The following PADI3 variants were observed in gnomAD, a reference collection of about 807,000 sequenced individuals.
PADI3 encodes protein-arginine deiminase type-3.
PADI3 carries 53 observed loss-of-function variants against 71.5 expected under a neutral mutation model. The ratio of observed to expected loss-of-function variants is 0.74; its 90% CI spans 0.59 to 0.93. PADI3 has a LOEUF of 0.93. Among genes scored for constraint, PADI3 ranks in the 40% least tolerant of loss-of-function variants. PADI3 has a pLI of 0.00. For synonymous variants in PADI3, 361 were observed against 347.5 expected, an observed-to-expected ratio of 1.04 and a Z score of -0.43; for missense variants, 821 against 868.0, an observed-to-expected ratio of 0.95 and a Z score of 0.68.
chr1:17,255,210 C>A (rs72646772), intron 1 of PADI3, among the ~76,000 whole-genome samples: 12,722 of 152,296 alleles, frequency 0.084, 624 homozygotes, highest in Non-Finnish European at 0.11. Flanking sequence ...TGGGACCTTG[C>A]AGGTTTTAGC....
chr1:17,255,915 C>T (rs1004118296), intron 1 of PADI3, among the ~76,000 whole-genome samples: 5 of 152,146 alleles, frequency 3.3e-5, no homozygotes, highest in African/African-American at 1.2e-4. Flanking sequence ...TTGTCTGGCC[C>T]CAGGGACCAC....
At chr1:17,256,454 C>T (rs1260877442) in intron 1 of PADI3, among the ~76,000 whole-genome samples, 1 of 152,256 alleles carries the variant, frequency 6.6e-6, no homozygotes, top group African/African-American at 2.4e-5. Flanking sequence ...TCCCCAACCT[C>T]AGATGTAGCT....
At chr1:17,280,591 G>A (rs757001910) in intron 14 of PADI3, 80 bp from the exon 15 acceptor site, 3 of 1,595,816 alleles carry the variant, frequency 1.9e-6, no homozygotes, top group African/African-American at 1.3e-5. Flanking sequence ...CAGAAGAAGT[G>A]AGGGGAGCGA....
intron 3 of PADI3, among the ~76,000 whole-genome samples, chr1:17,262,814 C>A (rs1249340387): frequency 6.6e-6 from 1 of 152,152 alleles, no homozygotes; most frequent in African/African-American, 2.4e-5. Flanking sequence ...AAGAATAAAA[C>A]AAACAAATGA....
intron 4 of PADI3, 32 bp from the exon 5 acceptor site, chr1:17,266,687 C>T (rs1156340957): frequency 6.4e-7 from 1 of 1,572,798 alleles, no homozygotes; most frequent in Admixed American, 1.7e-5. Flanking sequence ...TCATCTGAGC[C>T]CTCATCACTG....
intron 11 of PADI3, among the ~76,000 whole-genome samples, chr1:17,275,459 A>AAAG (rs2073316602): frequency 6.9e-6 from 1 of 145,000 alleles, no homozygotes; most frequent in Non-Finnish European, 1.5e-5. Flanking sequence ...AAAAAAAAAA[A>AAAG]GTAACAAAGA....
chr1:17,261,979 C>A (rs1445247905), intron 2 of PADI3, among the ~76,000 whole-genome samples, 154 bp from the exon 3 acceptor site: 1 of 152,212 alleles, frequency 6.6e-6, no homozygotes, highest in East Asian at 1.9e-4. Flanking sequence ...GATATGCCAA[C>A]CAAGACACAG....
Position 17,280,715 on chromosome 1 carries a change from C to A in PADI3, c.1680C>A (p.Gly560=), listed in dbSNP as rs768629226. The A allele has an allele frequency of 6.2e-7, 1 of 1,614,152 alleles. No individual in the cohort carries two copies. The highest frequency in any genetic ancestry group is 8.5e-7 in the Non-Finnish European group (1 of 1,180,014). ...WNREVLKREL[G]LAECDIIDIP... ...GTGAGGTGCTGAAGCGGGAGCTGGGCCTGGCAGAGTGTGACATCATTGACA... is the reference window on the plus strand; with the variant it reads ...GTGAGGTGCTGAAGCGGGAGCTGGGACTGGCAGAGTGTGACATCATTGACA... The change falls in exon 15 of 16, where the codon GGC becomes GGA. Residue 560 remains glycine (G), a synonymous_variant. Transcript: ENST00000375460.
chr1:17,271,855 AG>A (rs869308969), intron 9 of PADI3, among the ~76,000 whole-genome samples: 14,102 of 118,424 alleles, frequency 0.12, 888 homozygotes, highest in Admixed American at 0.16. Flanking sequence ...AAAAAAAAAA[AG>A]AGAGAGAGAG....
intron 2 of PADI3, among the ~76,000 whole-genome samples, chr1:17,261,376 C>T (rs1262436016): frequency 6.6e-6 from 1 of 152,190 alleles, no homozygotes; most frequent in African/African-American, 2.4e-5. Context: ...CTAATTAGTC[C>T]TAAGGGGTAG....
Position 17,258,693 on chromosome 1 carries a change from T to A in PADI3, c.93-885T>A, listed in dbSNP as rs190677033. Among the ~76,000 whole-genome samples, 264 of 152,330 alleles carry A rather than the reference T, an allele frequency of 1.7e-3. 1 individual carries two copies. Among genetic ancestry groups the A allele is most frequent in the Non-Finnish European group, 3.2e-3 (219 of 68,030 alleles). ...CAGTTGCTAATATGCCAAATGGGGA[T>A]GATATTGCTCACCTTACAGCTTGTA... On this transcript the variant is annotated intron_variant, in intron 1 of 15. Coordinates refer to ENST00000375460, the MANE Select transcript of PADI3 (RefSeq NM_016233.2).
Position 17,262,121 on chromosome 1 carries a change from A to T in PADI3, c.274-12A>T. The stretch of plus-strand genomic sequence containing the variant: ...CTTCTGCTGGTATTACTCTGCGCCC[A>T]ACTCTCCACAGGTTCAGATTTCCTA... On this transcript the variant is annotated splice_polypyrimidine_tract_variant and intron_variant, in intron 2 of 15. Coordinates refer to ENST00000375460, the MANE Select transcript of PADI3 (RefSeq NM_016233.2). 6.2e-7 allele frequency: 1 copy of T among 1,612,854 alleles called. No individual in the cohort carries two copies. The highest frequency in any genetic ancestry group is 8.5e-7 in the Non-Finnish European group (1 of 1,179,460).
chr1:17,271,012 T>C (rs369400143), intron 8 of PADI3, 30 bp downstream of exon 8: 43 of 1,612,530 alleles, frequency 2.7e-5, no homozygotes, highest in Non-Finnish European at 3.4e-5. Flanking sequence ...GTGGTCCCTC[T>C]GGCCCCCAGG....
chr1:17,280,025 A>G (rs2073381893), intron 13 of PADI3, among the ~76,000 whole-genome samples: 1 of 152,246 alleles, frequency 6.6e-6, no homozygotes, highest in Non-Finnish European at 1.5e-5. Flanking sequence ...GCTAAGCCAA[A>G]GCAAGAGGAT....
intron 1 of PADI3, 131 bp downstream of exon 1, chr1:17,249,360 G>T (rs1232312360): frequency 2.7e-6 from 2 of 733,290 alleles, no homozygotes; most frequent in African/African-American, 1.7e-5. Context: ...AGCCAATCAG[G>T]GAAGCTTGGG....
chr1:17,277,613 A>G (rs1357754663), intron 13 of PADI3, among the ~76,000 whole-genome samples: 4 of 152,166 alleles, frequency 2.6e-5, no homozygotes, highest in Non-Finnish European at 5.9e-5. Flanking sequence ...CCTGGCACAG[A>G]TTCTCTGCTG....
Position 17,267,913 on chromosome 1 carries a change from C to T in PADI3, c.603C>T (p.Leu201=). The change falls in exon 6 of 16, where the codon CTC becomes CTT. Residue 201 remains leucine (L), a synonymous_variant. Coordinates refer to ENST00000375460, the MANE Select transcript of PADI3 (RefSeq NM_016233.2). ...AALFDDHKLV[L]HTSSYDAKRA... The stretch of plus-strand genomic sequence containing the variant: ...TCTTTGATGACCACAAACTTGTCCT[C>T]CATACCTCCAGCTATGATGCCAAAC... 6.2e-7 allele frequency: 1 copy of T among 1,614,190 alleles called. No individual in the cohort carries two copies. The highest frequency in any genetic ancestry group is 8.5e-7 in the Non-Finnish European group (1 of 1,180,024).
rs760293615 is a variant in PADI3, at chr1:17,274,638, C to T, written c.1159C>T (p.Pro387Ser). 3 of 1,611,116 alleles carry T rather than the reference C, an allele frequency of 1.9e-6. No homozygotes were observed. In the South Asian group the frequency reaches 3.3e-5, roughly 18 times the overall value. Residue 387 changes from proline (P) to serine (S), a missense_variant, in exon 11 of 16, where the codon CCA (proline) becomes TCA (serine). Coordinates refer to ENST00000375460, the MANE Select transcript of PADI3 (RefSeq NM_016233.2). The part of the protein sequence containing the change: ...QDFPYKRILG[P>S]DFGYVTREPR... ...CTGACTTGGTTTCCCTCTCCAGGGT[C>T]CAGATTTTGGTTACGTGACTCGGGA...
chr1:17,280,724 G>T lies in PADI3; in HGVS notation c.1689G>T (p.Glu563Asp), dbSNP rs1390799723. The T allele has an allele frequency of 1.2e-6, 2 of 1,614,204 alleles. No homozygotes were observed. The highest frequency in any genetic ancestry group is 1.7e-6 in the Non-Finnish European group (2 of 1,180,034). ...EVLKRELGLA[E>D]CDIIDIPQLF... ...TGAAGCGGGAGCTGGGCCTGGCAGAGTGTGACATCATTGACATCCCACAGC... is the reference window on the plus strand; with the variant it reads ...TGAAGCGGGAGCTGGGCCTGGCAGATTGTGACATCATTGACATCCCACAGC... Residue 563 changes from glutamate to aspartate, a missense_variant, in exon 15 of 16, where the codon GAG (glutamate) becomes GAT (aspartate). Transcript: ENST00000375460.
Sources: allele counts gnomAD v4.1 joint callset (sites outside exome capture counted in the v4.1 genomes callset), GRCh38; gene constraint gnomAD v4.1.1; transcripts MANE v1.5; gene names NCBI Gene and HGNC (gene_info 2026-07-23, HGNC 2026-07-21).